BCL2: variants seen among roughly 807,000 people sequenced by gnomAD.
BCL2 encodes BCL2 apoptosis regulator.
Under a neutral mutation model 14.2 loss-of-function variants are expected in BCL2, and 1 was observed. The ratio of observed to expected loss-of-function variants is 0.07; its 90% CI spans 0.02 to 0.33. The LOEUF is 0.33. Ranked by LOEUF, BCL2 falls within the 10% of genes least tolerant of loss-of-function variation. The pLI is 0.99. For synonymous variants in BCL2, 151 were observed against 137.2 expected, an observed-to-expected ratio of 1.10 and a Z score of -0.70; for missense variants, 247 against 305.9, an observed-to-expected ratio of 0.81 and a Z score of 1.44.
chr18:63,196,915 T>C (rs1252860873), intron 2 of BCL2, among the ~76,000 whole-genome samples: 1 of 152,172 alleles, frequency 6.6e-6, no homozygotes, highest in East Asian at 1.9e-4. Flanking sequence ...TTACTTTCCC[T>C]CTAACCATGA....
At chr18:63,230,516 T>C (rs1286785195) in intron 2 of BCL2, among the ~76,000 whole-genome samples, 2 of 151,398 alleles carry the variant, frequency 1.3e-5, no homozygotes, top group Non-Finnish European at 1.5e-5. Flanking sequence ...ACAGAAACAA[T>C]AGAGAATAGA....
intron 2 of BCL2, among the ~76,000 whole-genome samples, chr18:63,268,871 C>T (rs1306221313): frequency 6.6e-6 from 1 of 152,092 alleles, no homozygotes; most frequent in Admixed American, 6.6e-5. Flanking sequence ...CAGGGACTCA[C>T]AGGGGAGGGA....
rs187472219 is a variant in BCL2 at position 63,243,564 on chromosome 18, T to C, written c.585+74518A>G. On this transcript the variant is annotated intron_variant, in intron 2 of 2. Coordinates refer to ENST00000333681, the MANE Select transcript of BCL2 (RefSeq NM_000633.3). ...ATTAACATTAAAAAATTCACCAGCATCCCACTGTGAAGTCTGTGCAGGGAG... is the reference window on the plus strand; with the variant it reads ...ATTAACATTAAAAAATTCACCAGCACCCCACTGTGAAGTCTGTGCAGGGAG... Among the ~76,000 whole-genome samples the C allele has an allele frequency of 8.5e-5, 13 of 152,278 alleles. No individual in the cohort carries two copies. The East Asian group carries it at 2.5e-3, about 29-fold the overall frequency.
At chr18:63,208,254 A>AGG (rs1466386701) in intron 2 of BCL2, 42 of 152,356 alleles carry the variant, frequency 2.8e-4, no homozygotes, top group African/African-American at 9.9e-4. Context: ...TCTGATGAAC[A>AGG]GGTATAAACA....
At chr18:63,204,425 C>T (rs191122740) in intron 2 of BCL2, among the ~76,000 whole-genome samples, 104 of 152,258 alleles carry the variant, frequency 6.8e-4, no homozygotes, top group Non-Finnish European at 1.3e-3. Flanking sequence ...GGGACCCAGT[C>T]GCCATATGAA....
At chr18:63,160,018 A>G (rs1477404346) in intron 2 of BCL2, among the ~76,000 whole-genome samples, 1 of 152,216 alleles carries the variant, frequency 6.6e-6, no homozygotes, top group Non-Finnish European at 1.5e-5. Flanking sequence ...AAATGAATAT[A>G]TCATGTGTAC....
chr18:63,200,654 G>T (rs973838114), intron 2 of BCL2, among the ~76,000 whole-genome samples: 2 of 152,138 alleles, frequency 1.3e-5, no homozygotes, highest in African/African-American at 2.4e-5. Context: ...TAGAGCCAGG[G>T]TCTTGCTCTA....
intron 2 of BCL2, among the ~76,000 whole-genome samples, chr18:63,185,182 G>A (rs1217165161): frequency 2.0e-5 from 3 of 152,206 alleles, no homozygotes; most frequent in Non-Finnish European, 2.9e-5. Flanking sequence ...TGTCACAAAT[G>A]AAAATACAGC....
intron 2 of BCL2, among the ~76,000 whole-genome samples, chr18:63,289,324 G>A (rs1050225341): frequency 6.6e-6 from 1 of 152,146 alleles, no homozygotes; most frequent in Non-Finnish European, 1.5e-5. Context: ...AAATCAGCGG[G>A]GTCACTCCCA....
At chr18:63,248,705 G>C (rs543543070) in intron 2 of BCL2, among the ~76,000 whole-genome samples, 2 of 152,254 alleles carry the variant, frequency 1.3e-5, no homozygotes, top group South Asian at 2.1e-4. Flanking sequence ...TCAGTAATTC[G>C]GTGGGATATT....
chr18:63,159,856 T>C (rs1914875087), intron 2 of BCL2, among the ~76,000 whole-genome samples: 1 of 152,256 alleles, frequency 6.6e-6, no homozygotes, highest in Admixed American at 6.5e-5. Context: ...CAGTGGGGAC[T>C]GCCCACGCGT....
At chr18:63,146,526 G>C (rs1283680802) in intron 2 of BCL2, among the ~76,000 whole-genome samples, 3 of 152,258 alleles carry the variant, frequency 2.0e-5, no homozygotes. Flanking sequence ...TTTAACCCTT[G>C]AGGAGTTAAA....
chr18:63,261,795 T>C (rs982368399), intron 2 of BCL2, among the ~76,000 whole-genome samples: 2 of 140,754 alleles, frequency 1.4e-5, no homozygotes, highest in Admixed American at 7.4e-5. Flanking sequence ...TTTTTTCTTT[T>C]TTTTTTTTTA....
intron 2 of BCL2, among the ~76,000 whole-genome samples, chr18:63,181,811 G>A (rs982655256): frequency 9.9e-5 from 15 of 152,190 alleles, no homozygotes; most frequent in African/African-American, 2.7e-4. Flanking sequence ...GGAAATCCAC[G>A]GCTAGGAAGC....
chr18:63,275,809 G>A (rs1240575331), intron 2 of BCL2, among the ~76,000 whole-genome samples: 1 of 152,238 alleles, frequency 6.6e-6, no homozygotes, highest in Non-Finnish European at 1.5e-5. Flanking sequence ...GGGTGCCCAC[G>A]TGGTGGAGGG....
intron 2 of BCL2, among the ~76,000 whole-genome samples, chr18:63,189,189 TA>T (rs34498028): frequency 0.68 from 91,656 of 135,248 alleles, 30,443 homozygotes; most frequent in Non-Finnish European, 0.74. Flanking sequence ...TAACAGCATA[TA>T]AAAAAAAAAA....
In BCL2 at chr18:63,124,576, G is replaced by GT. The variant is rs1210063891; in HGVS notation, c.*4048dup. On this transcript the variant is annotated 3_prime_UTR_variant, in exon 3 of 3. Transcript: ENST00000333681. Reference sequence around the variant, plus strand: ...AACTCCCTGATCCAAACTTGGGAATGTTTTACATTTAAAAATTCTTCCTCC... The same window carrying GT: ...AACTCCCTGATCCAAACTTGGGAATGTTTTTACATTTAAAAATTCTTCCTCC... 1 of 231,702 alleles carries GT rather than the reference G, an allele frequency of 4.3e-6. No homozygotes were observed. Among genetic ancestry groups the GT allele is most frequent in the African/African-American group, 2.2e-5 (1 of 45,138 alleles). The allele number at this position is 231,702 out of a possible 1,614,324, so 14.4% of individuals were successfully genotyped here.
intron 2 of BCL2, among the ~76,000 whole-genome samples, chr18:63,259,070 T>C (rs1177704395): frequency 5.3e-5 from 8 of 152,264 alleles, no homozygotes; most frequent in Admixed American, 1.3e-4. Context: ...GTGCTCCCCA[T>C]GGCCCAGATG....
chr18:63,202,177 T>TG (rs1305887165), intron 2 of BCL2, among the ~76,000 whole-genome samples: 1 of 151,818 alleles, frequency 6.6e-6, no homozygotes, highest in Non-Finnish European at 1.5e-5. Context: ...GGCATGGTGG[T>TG]GCATGCCTGT....
Sources: gnomAD v4.1 joint callset for allele counts (sites outside exome capture counted in the v4.1 genomes callset) on GRCh38, gnomAD v4.1.1 for gene constraint, MANE v1.5 for transcripts, NCBI Gene and HGNC (gene_info 2026-07-23, HGNC 2026-07-21) for gene names.